The following ARHGEF38 variants were observed in gnomAD, a reference collection of about 807,000 sequenced individuals.
ARHGEF38 encodes Rho guanine nucleotide exchange factor (GEF) 38.
Under a neutral mutation model 79.9 loss-of-function variants are expected in ARHGEF38, and 79 were observed. That is an observed-to-expected ratio of 0.99 (90% CI 0.82 to 1.19). The LOEUF (loss-of-function observed/expected upper bound fraction) is 1.19. Ranked by LOEUF, ARHGEF38 falls within the 50% of genes most tolerant of loss-of-function variation. The probability of loss-of-function intolerance (pLI) is 0.00; values close to 1 mark genes in which losing one functional copy is unlikely to be tolerated. For missense variants in ARHGEF38, 962 were observed against 907.2 expected, an observed-to-expected ratio of 1.06 and a Z score of -0.78; for synonymous variants, 366 against 328.3, an observed-to-expected ratio of 1.11 and a Z score of -1.24.
chr4:105,563,362 C>A (rs913926247), intron 1 of ARHGEF38: 1 of 152,196 alleles, frequency 6.6e-6, no homozygotes, highest in Non-Finnish European at 1.5e-5. Context: ...ATACATGGAA[C>A]AAGGTAATAA....
chr4:105,678,069 C>T lies in ARHGEF38; in HGVS notation c.*132C>T, dbSNP rs1248799471. 3.1e-6 allele frequency: 2 copies of T among 649,104 alleles called. No homozygotes were observed. Among genetic ancestry groups the T allele is most frequent in the Non-Finnish European group, 4.8e-6 (2 of 415,404 alleles). 40.2% of individuals were successfully genotyped at this position (649,104 alleles called of 1,614,324 possible). ...AGAAACTGATACTGTACTGGGTTTTCAGGAATACTGTACTTCCTAACAGGA... is the reference window on the plus strand; with the variant it reads ...AGAAACTGATACTGTACTGGGTTTTTAGGAATACTGTACTTCCTAACAGGA... On this transcript the variant is annotated 3_prime_UTR_variant, in exon 14 of 14. Coordinates refer to ENST00000420470, the MANE Select transcript of ARHGEF38 (RefSeq NM_001242729.2).
At chr4:105,554,986 T>C (rs112084726) in intron 1 of ARHGEF38, among the ~76,000 whole-genome samples, 3,329 of 152,130 alleles carry the variant, frequency 0.022, 59 homozygotes, top group Middle Eastern at 0.068. Flanking sequence ...TCTATCAGAG[T>C]CTCCATTAGC....
chr4:105,677,492 C>T (rs62320292), intron 13 of ARHGEF38, among the ~76,000 whole-genome samples: 1 of 152,124 alleles, frequency 6.6e-6, no homozygotes, highest in African/African-American at 2.4e-5. Flanking sequence ...TATTAAAAAT[C>T]TTTTAATAGA....
intron 7 of ARHGEF38, 77 bp downstream of exon 7, chr4:105,648,759 G>A: frequency 2.9e-6 from 4 of 1,397,204 alleles, no homozygotes; most frequent in Non-Finnish European, 3.8e-6. Context: ...TTTGTTTTGT[G>A]AGGACTATTT....
intron 13 of ARHGEF38, 49 bp downstream of exon 13, chr4:105,667,752 A>G (rs1363597532): frequency 6.5e-7 from 1 of 1,529,046 alleles, no homozygotes; most frequent in East Asian, 2.4e-5. Context: ...ATGAAAGAGT[A>G]TCTCTCTACT....
At chr4:105,672,722 A>G (rs977373714) in intron 13 of ARHGEF38, among the ~76,000 whole-genome samples, 2 of 152,158 alleles carry the variant, frequency 1.3e-5, no homozygotes, top group African/African-American at 4.8e-5. Flanking sequence ...ATGTAGCTGC[A>G]ATCTAGCTGT....
chr4:105,645,400 A>G lies in ARHGEF38; in HGVS notation c.874+13A>G. On this transcript the variant is annotated intron_variant, in intron 6 of 13. Transcript: ENST00000420470. ...AGGAAAGATTTAGGTAGGAAGAGAC[A>G]TGATGAATTGGTTGTTTTCCATTAT... is the stretch of plus-strand genomic sequence containing the variant. 1.3e-6 allele frequency: 2 copies of G among 1,500,982 alleles called. No homozygotes were observed. Among genetic ancestry groups the G allele is most frequent in the African/African-American group, 1.4e-5 (1 of 71,678 alleles). The allele number at this position is 1,500,982 out of a possible 1,614,324, so 93.0% of individuals were successfully genotyped here.
At chr4:105,655,161 G>A (rs1560750989) in intron 8 of ARHGEF38, among the ~76,000 whole-genome samples, 1 of 152,182 alleles carries the variant, frequency 6.6e-6, no homozygotes, top group African/African-American at 2.4e-5. Flanking sequence ...AGGAGTAAAT[G>A]TCTCTTGGGA....
chr4:105,564,899 C>A (rs1197826528), intron 1 of ARHGEF38, among the ~76,000 whole-genome samples: 1 of 152,178 alleles, frequency 6.6e-6, no homozygotes, highest in Non-Finnish European at 1.5e-5. Flanking sequence ...GGTCAGCCAG[C>A]AACTTGGTTT....
chr4:105,594,143 T>C (rs1727467983), intron 2 of ARHGEF38, among the ~76,000 whole-genome samples: 1 of 152,200 alleles, frequency 6.6e-6, no homozygotes, highest in South Asian at 2.1e-4. Flanking sequence ...TCATGTCAGA[T>C]CTGCCTTTTT....
chr4:105,556,483 G>T (rs912138026), intron 1 of ARHGEF38, among the ~76,000 whole-genome samples: 4 of 152,158 alleles, frequency 2.6e-5, no homozygotes, highest in African/African-American at 9.6e-5. Context: ...TCAGAAAATG[G>T]TGTCTCTAAG....
chr4:105,628,540 TC>T (rs954252132), intron 3 of ARHGEF38, among the ~76,000 whole-genome samples: 1 of 152,164 alleles, frequency 6.6e-6, no homozygotes, highest in African/African-American at 2.4e-5. Flanking sequence ...GAAGAACAAA[TC>T]CATATGACCT....
chr4:105,616,558 C>T (rs143998513), intron 3 of ARHGEF38, among the ~76,000 whole-genome samples: 1 of 152,196 alleles, frequency 6.6e-6, no homozygotes, highest in Admixed American at 6.5e-5. Context: ...AAGTCCACCC[C>T]CATGATTCAA....
chr4:105,658,280 A>G (rs571663972), intron 9 of ARHGEF38, among the ~76,000 whole-genome samples: 2 of 152,248 alleles, frequency 1.3e-5, no homozygotes, highest in Admixed American at 1.3e-4. Context: ...GTGGTGATAC[A>G]TTCCTGTAGT....
At chr4:105,562,008 G>A (rs1725655586) in intron 1 of ARHGEF38, among the ~76,000 whole-genome samples, 1 of 151,818 alleles carries the variant, frequency 6.6e-6, no homozygotes, top group South Asian at 2.1e-4. Flanking sequence ...ATTCATCTCT[G>A]TGTCAACTCC....
intron 11 of ARHGEF38, among the ~76,000 whole-genome samples, chr4:105,666,861 C>G (rs1022656312): frequency 2.4e-4 from 36 of 152,174 alleles, no homozygotes; most frequent in African/African-American, 8.7e-4. Context: ...GTGCAACATC[C>G]AAGAGGGATT....
intron 7 of ARHGEF38, among the ~76,000 whole-genome samples, chr4:105,650,586 T>C (rs558179987): frequency 6.6e-6 from 1 of 152,356 alleles, no homozygotes; most frequent in East Asian, 1.9e-4. Flanking sequence ...ACTCCTATCT[T>C]CTGCCACTGC....
At chr4:105,635,334 A>G (rs1409551813) in intron 4 of ARHGEF38, among the ~76,000 whole-genome samples, 1 of 152,122 alleles carries the variant, frequency 6.6e-6, no homozygotes, top group Non-Finnish European at 1.5e-5. Flanking sequence ...TTGTTGTTTT[A>G]TCCTACTGGA....
At chr4:105,567,818 A>C (rs962551513) in intron 1 of ARHGEF38, among the ~76,000 whole-genome samples, 1 of 151,990 alleles carries the variant, frequency 6.6e-6, no homozygotes, top group East Asian at 1.9e-4. Context: ...TTTAGGGTAC[A>C]TGTGCACATT....
Sources: allele counts gnomAD v4.1 joint callset (sites outside exome capture counted in the v4.1 genomes callset), GRCh38; gene constraint gnomAD v4.1.1; transcripts MANE v1.5; gene names NCBI Gene and HGNC (gene_info 2026-07-23, HGNC 2026-07-21).